The following CACNB4 variants were observed in gnomAD, a reference collection of about 807,000 sequenced individuals.
CACNB4 encodes the protein voltage-dependent L-type calcium channel subunit beta-4.
CACNB4 carries 32 observed loss-of-function variants against 71.2 expected under a neutral mutation model. The ratio of observed to expected loss-of-function variants is 0.45; its 90% CI spans 0.34 to 0.60. The LOEUF is 0.60. CACNB4 is among the 20% of genes least tolerant of loss of function. CACNB4 has a pLI of 0.01. For missense variants in CACNB4, 464 were observed against 647.9 expected (o/e 0.72, Z 3.08); for synonymous variants, 231 against 236.9 (o/e 0.97, Z 0.23).
intron 2 of CACNB4, among the ~76,000 whole-genome samples, chr2:151,903,884 A>T (rs1014087885): frequency 6.6e-6 from 1 of 152,158 alleles, no homozygotes; most frequent in African/African-American, 2.4e-5. Flanking sequence ...CCTTTCTGAC[A>T]ATAACTCCTC....
chr2:151,931,163 TC>T (rs1275415754), intron 2 of CACNB4, among the ~76,000 whole-genome samples: 4 of 152,334 alleles, frequency 2.6e-5, no homozygotes, highest in African/African-American at 9.6e-5. Flanking sequence ...TCTCAGGTTA[TC>T]CCAGGTCACT....
chr2:151,911,421 T>C (rs1286431513), intron 2 of CACNB4, among the ~76,000 whole-genome samples: 1 of 152,220 alleles, frequency 6.6e-6, no homozygotes, highest in Non-Finnish European at 1.5e-5. Context: ...TCATTCAGTG[T>C]GATATTGGCT....
rs116415890 is a variant in CACNB4 at position 152,097,619 on chromosome 2, A to T, written c.147+711T>A. ...GGTGAAAGGCACCTAAGCATTGAGC[A>T]TTACCAGCGATCCGGAGATCCCGAG... On this transcript the variant is annotated intron_variant, in intron 2 of 13. Transcript: ENST00000539935. 5.6e-3 allele frequency among the ~76,000 whole-genome samples: 859 copies of T among 152,308 alleles called. 4 individuals carry two copies. Among genetic ancestry groups the T allele is most frequent in the African/African-American group, 0.02 (819 of 41,554 alleles).
At chr2:151,983,675 T>TCTCACA (rs35313966) in intron 2 of CACNB4, among the ~76,000 whole-genome samples, 3,251 of 141,486 alleles carry the variant, frequency 0.023, 48 homozygotes, top group East Asian at 0.034. Context: ...TAAACTTTGG[T>TCTCACA]CACACACACA....
intron 2 of CACNB4, among the ~76,000 whole-genome samples, chr2:152,044,364 G>A (rs1313609948): frequency 6.6e-6 from 1 of 152,090 alleles, no homozygotes; most frequent in Non-Finnish European, 1.5e-5. Context: ...GGGATTACAG[G>A]TGCGCATCAC....
intron 2 of CACNB4, among the ~76,000 whole-genome samples, chr2:151,929,718 G>A (rs956626446): frequency 6.6e-6 from 1 of 152,054 alleles, no homozygotes; most frequent in African/African-American, 2.4e-5. Flanking sequence ...AAAACTAATA[G>A]TTTCCTTTTA....
At chr2:151,926,866 G>T (rs549632772) in intron 2 of CACNB4, among the ~76,000 whole-genome samples, 21 of 152,304 alleles carry the variant, frequency 1.4e-4, no homozygotes, top group South Asian at 6.2e-4. Context: ...CAGAAACCTT[G>T]ATTTAAATCC....
rs1386086990 is a variant in CACNB4 at position 151,895,093 on chromosome 2, G to GCCCCCC, written c.148-11724_148-11723insGGGGGG. Among the ~76,000 whole-genome samples, 37 of 25,664 alleles carry GCCCCCC rather than the reference G, an allele frequency of 1.4e-3. 1 individual carries two copies. The highest frequency in any genetic ancestry group is 2.4e-3 in the African/African-American group (24 of 10,162). 16.8% of individuals were successfully genotyped at this position (25,664 alleles called of 152,430 possible). A position where few individuals can be genotyped will look rare whatever the true frequency, so the allele number is the denominator to read the frequency against. On this transcript the variant is annotated intron_variant, in intron 2 of 13. Transcript: ENST00000539935. ...TTCATATGGAACCAGAACTCAAATA[G>GCCCCCC]CCCCACACACACACACACACACACA...
At chr2:152,091,039 ATCT>A (rs1687945552) in intron 2 of CACNB4, among the ~76,000 whole-genome samples, 1 of 150,492 alleles carries the variant, frequency 6.6e-6, no homozygotes, top group Non-Finnish European at 1.5e-5. Flanking sequence ...GTGTGACTCC[ATCT>A]CAAAAAAAAA....
Position 151,959,534 on chromosome 2 carries a change from A to C in CACNB4, c.148-76164T>G, listed in dbSNP as rs926025856. On this transcript the variant is annotated intron_variant, in intron 2 of 13. Coordinates refer to ENST00000539935, the MANE Select transcript of CACNB4 (RefSeq NM_000726.5). Reference sequence around the variant, plus strand: ...GCTTCTCTATGTAAATGCAGCACTCAAATGAAAAATGTAACAACTAGTTGT... The same window carrying C: ...GCTTCTCTATGTAAATGCAGCACTCCAATGAAAAATGTAACAACTAGTTGT... Among the ~76,000 whole-genome samples, 3 of 152,230 alleles carry C rather than the reference A, an allele frequency of 2.0e-5. No homozygotes were observed. In the South Asian group the frequency reaches 6.2e-4, roughly 31 times the overall value.
intron 2 of CACNB4, among the ~76,000 whole-genome samples, chr2:151,995,744 A>G (rs962299681): frequency 6.6e-6 from 1 of 152,252 alleles, no homozygotes; most frequent in Non-Finnish European, 1.5e-5. Flanking sequence ...TCTGTCATTT[A>G]GAAGTCTGCA....
At chr2:151,972,173 T>C (rs1485415447) in intron 2 of CACNB4, 3 of 152,620 alleles carry the variant, frequency 2.0e-5, no homozygotes, top group Admixed American at 6.5e-5. Flanking sequence ...GCTGGATTTA[T>C]TAGTTCCTAG....
intron 2 of CACNB4, among the ~76,000 whole-genome samples, chr2:152,096,913 T>G (rs183360648): frequency 6.6e-6 from 1 of 152,172 alleles, no homozygotes; most frequent in African/African-American, 2.4e-5. Flanking sequence ...TCCAAGAATT[T>G]GCAACAATGA....
chr2:151,869,250 G>A lies in CACNB4; in HGVS notation c.700-15C>T. On this transcript the variant is annotated splice_polypyrimidine_tract_variant and intron_variant, in intron 8 of 13. Coordinates refer to ENST00000539935, the MANE Select transcript of CACNB4 (RefSeq NM_000726.5). ...ATGTCTGTTACCTTTGCAGAGGTGA[G>A]AAAAAAAGAATGAGGCAAACACATG... The A allele has an allele frequency of 6.6e-7, 1 of 1,516,840 alleles. No homozygotes were observed. Among genetic ancestry groups the A allele is most frequent in the Admixed American group, 1.9e-5 (1 of 51,648 alleles). 94.0% of individuals were successfully genotyped at this position (1,516,840 alleles called of 1,614,324 possible).
chr2:152,059,860 G>A (rs1051710652), intron 2 of CACNB4, among the ~76,000 whole-genome samples: 1 of 152,190 alleles, frequency 6.6e-6, no homozygotes, highest in African/African-American at 2.4e-5. Context: ...GTGACAAGGA[G>A]GGAGGTGATT....
intron 2 of CACNB4, among the ~76,000 whole-genome samples, chr2:152,035,441 T>A (rs1246873899): frequency 6.6e-6 from 1 of 152,104 alleles, no homozygotes; most frequent in Non-Finnish European, 1.5e-5. Context: ...ATGCCTGTAA[T>A]CCCAACTACT....
rs1176164321 is a variant in CACNB4, at chr2:151,832,833, T to C, written c.*6286A>G. On this transcript the variant is annotated 3_prime_UTR_variant, in exon 14 of 14. Coordinates refer to ENST00000539935, the MANE Select transcript of CACNB4 (RefSeq NM_000726.5). The stretch of plus-strand genomic sequence containing the variant: ...AAGTAATGCAGTTGTTTTGTACACA[T>C]TTAAATTCCATAAAACAAATCCATA... The C allele has an allele frequency of 1.3e-5, 2 of 152,176 alleles. No homozygotes were observed. Among genetic ancestry groups the C allele is most frequent in the Non-Finnish European group, 2.9e-5 (2 of 68,008 alleles). 9.4% of individuals were successfully genotyped at this position (152,176 alleles called of 1,614,324 possible). A position where few individuals can be genotyped will look rare whatever the true frequency, so the allele number is the denominator to read the frequency against.
At chr2:152,086,721 C>T (rs771329031) in intron 2 of CACNB4, among the ~76,000 whole-genome samples, 14 of 152,188 alleles carry the variant, frequency 9.2e-5, no homozygotes, top group Non-Finnish European at 1.6e-4. Flanking sequence ...TGTTCATATA[C>T]TTTTCTTTAA....
intron 2 of CACNB4, among the ~76,000 whole-genome samples, chr2:152,030,180 T>C (rs2105183660): frequency 1.3e-5 from 2 of 152,274 alleles, no homozygotes; most frequent in Middle Eastern, 6.8e-3. Flanking sequence ...AGTTTGAGGA[T>C]TATATTAACA....
Sources: allele counts gnomAD v4.1 joint callset (sites outside exome capture counted in the v4.1 genomes callset), GRCh38; gene constraint gnomAD v4.1.1; transcripts MANE v1.5; gene names NCBI Gene and HGNC (gene_info 2026-07-23, HGNC 2026-07-21).